Variants in BFSP2 observed in about 807,000 individuals in gnomAD.
BFSP2 encodes the protein beaded filament structural protein 2.
Under a neutral mutation model 44.9 loss-of-function variants are expected in BFSP2, and 38 were observed. The ratio of observed to expected loss-of-function variants is 0.85; its 90% CI spans 0.65 to 1.11. The LOEUF is 1.11. Ranked by LOEUF, BFSP2 falls within the 50% of genes least tolerant of loss-of-function variation. The pLI is 0.00. For missense variants in BFSP2, 525 were observed against 533.0 expected, an observed-to-expected ratio of 0.99 and a Z score of 0.15; for synonymous variants, 197 against 209.9, an observed-to-expected ratio of 0.94 and a Z score of 0.53.
At chr3:133,428,892 A>T (rs192517838) in intron 1 of BFSP2, among the ~76,000 whole-genome samples, 7 of 152,280 alleles carry the variant, frequency 4.6e-5, no homozygotes, top group African/African-American at 1.7e-4. Flanking sequence ...TGTATCAGCC[A>T]CTGTGCTAGT....
chr3:133,469,619 T>G (rs1328551250), intron 5 of BFSP2, among the ~76,000 whole-genome samples: 1 of 152,240 alleles, frequency 6.6e-6, no homozygotes, highest in Non-Finnish European at 1.5e-5. Flanking sequence ...GCTTCTGTGA[T>G]CTCAGCTTGT....
At chr3:133,470,020 T>G (rs2074147477) in intron 5 of BFSP2, among the ~76,000 whole-genome samples, 1 of 68,818 alleles carries the variant, frequency 1.5e-5, no homozygotes, top group South Asian at 1.1e-3. Context: ...GTTAAGTACT[T>G]TCATGCATAA....
At chr3:133,446,236 C>T (rs1380766013) in intron 1 of BFSP2, among the ~76,000 whole-genome samples, 2 of 152,026 alleles carry the variant, frequency 1.3e-5, no homozygotes, top group Non-Finnish European at 2.9e-5. Flanking sequence ...GCCTGGCCAA[C>T]ATGGTGAAAC....
At chr3:133,429,020 G>C (rs1008562109) in intron 1 of BFSP2, among the ~76,000 whole-genome samples, 4 of 95,356 alleles carry the variant, frequency 4.2e-5, no homozygotes, top group African/African-American at 1.2e-4. Context: ...AGTGTTATTT[G>C]TTAAAAAACC....
At chr3:133,437,727 TG>T (rs2073804126) in intron 1 of BFSP2, among the ~76,000 whole-genome samples, 1 of 151,868 alleles carries the variant, frequency 6.6e-6, no homozygotes, top group African/African-American at 2.4e-5. Flanking sequence ...GATTCAAACA[TG>T]GGGGTAATGG....
At chr3:133,435,820 CT>C (rs1200906520) in intron 1 of BFSP2, among the ~76,000 whole-genome samples, 22 of 152,284 alleles carry the variant, frequency 1.4e-4, no homozygotes, top group Admixed American at 1.4e-3. Context: ...CATTTGTAAA[CT>C]GCTGATTTCT....
At chr3:133,412,313 G>A (rs1230651304) in intron 1 of BFSP2, 2 of 152,218 alleles carry the variant, frequency 1.3e-5, no homozygotes, top group African/African-American at 4.8e-5. Flanking sequence ...CATCGGGTTG[G>A]TGCAGGAATG....
rs371091345 is a variant in BFSP2 at position 133,433,904 on chromosome 3, C to T, written c.490-13413C>T. The stretch of plus-strand genomic sequence containing the variant: ...CATTTAAGCTCCCGTATAGACGCTC[C>T]TTTTTATTAGGCCCCAGTCTCTTTC... On this transcript the variant is annotated intron_variant, in intron 1 of 6. Coordinates refer to ENST00000302334, the MANE Select transcript of BFSP2 (RefSeq NM_003571.4). Among the ~76,000 whole-genome samples the T allele has an allele frequency of 1.4e-4, 22 of 152,330 alleles. 1 individual carries two copies. In the South Asian group the frequency reaches 3.7e-3, roughly 26 times the overall value.
At chr3:133,424,259 G>A (rs2073624019) in intron 1 of BFSP2, among the ~76,000 whole-genome samples, 1 of 49,262 alleles carries the variant, frequency 2.0e-5, no homozygotes, top group Non-Finnish European at 4.9e-5. Flanking sequence ...TAGTAGAGAT[G>A]GAGTTTCGCC....
chr3:133,455,048 G>A (rs1227680270), intron 4 of BFSP2, among the ~76,000 whole-genome samples: 1 of 152,212 alleles, frequency 6.6e-6, no homozygotes, highest in Non-Finnish European at 1.5e-5. Flanking sequence ...GGAGCTTTCA[G>A]CTCCTGTAAC....
intron 1 of BFSP2, among the ~76,000 whole-genome samples, chr3:133,434,746 C>T (rs1175886809): frequency 6.6e-6 from 1 of 152,184 alleles, no homozygotes; most frequent in African/African-American, 2.4e-5. Context: ...CTGGCTCATC[C>T]TGGCTCAAAA....
At chr3:133,470,651 C>T (rs1441429810) in intron 5 of BFSP2, among the ~76,000 whole-genome samples, 1 of 152,010 alleles carries the variant, frequency 6.6e-6, no homozygotes, top group East Asian at 1.9e-4. Context: ...TAAGTGTAAC[C>T]ATAATACAAG....
chr3:133,400,144 C>G lies in BFSP2; in HGVS notation c.61C>G (p.Gln21Glu), dbSNP rs1397632201. The G allele has an allele frequency of 5.0e-6, 8 of 1,614,074 alleles. No individual in the cohort carries two copies. The African/African-American group carries it at 1.1e-4, about 22-fold the overall frequency. ...PTSASSSMPL[Q>E]RRRASFRGPR... ...CAGTGCCAGCTCCAGCATGCCCCTC[C>G]AGAGGCGCAGGGCGTCCTTCAGGGG... Residue 21 changes from glutamine (Q) to glutamate (E), a missense_variant, in exon 1 of 7, where the codon CAG becomes GAG. Gln to Glu is a conservative substitution (Grantham distance 29). Coordinates refer to ENST00000302334, the MANE Select transcript of BFSP2 (RefSeq NM_003571.4). This position sits in a 1 kb window ranked among gnomAD's most constrained non-coding sequence, Gnocchi z 4.0.
intron 1 of BFSP2, among the ~76,000 whole-genome samples, chr3:133,439,444 G>A (rs2073823138): frequency 6.6e-6 from 1 of 152,182 alleles, no homozygotes; most frequent in Admixed American, 6.5e-5. Flanking sequence ...CCTGATCCAA[G>A]GTCACACAAA....
At chr3:133,451,908 G>T (rs2073969346) in intron 4 of BFSP2, among the ~76,000 whole-genome samples, 1 of 152,160 alleles carries the variant, frequency 6.6e-6, no homozygotes. Flanking sequence ...TGAGACAGAG[G>T]ATGAAAAGTG....
chr3:133,449,909 A>AG (rs755510620), intron 3 of BFSP2, among the ~76,000 whole-genome samples: 18 of 150,198 alleles, frequency 1.2e-4, no homozygotes, highest in Non-Finnish European at 2.4e-4. Flanking sequence ...GAAGGAAGGA[A>AG]GGAGAGAGAG....
At chr3:133,416,722 T>C (rs1443873946) in intron 1 of BFSP2, among the ~76,000 whole-genome samples, 15 of 100,650 alleles carry the variant, frequency 1.5e-4, no homozygotes, top group African/African-American at 5.9e-4. Context: ...TCCTCTCCCC[T>C]CTACTCACCC....
rs2074114924 is a variant in BFSP2 at position 133,466,821 on chromosome 3, T to G, written c.892-7T>G. On this transcript the variant is annotated splice_region_variant and splice_polypyrimidine_tract_variant and intron_variant, in intron 4 of 6. Transcript: ENST00000302334. The stretch of plus-strand genomic sequence containing the variant: ...CACCGCTCACACTGAGACCTGACTC[T>G]CCACAGCAACAGGCGGAGGTGGCCC... 1 of 1,611,090 alleles carries G rather than the reference T, an allele frequency of 6.2e-7. No homozygotes were observed. Among genetic ancestry groups the G allele is most frequent in the Non-Finnish European group, 8.5e-7 (1 of 1,178,620 alleles).
chr3:133,470,692 A>G lies in BFSP2; in HGVS notation c.1024-1653A>G, dbSNP rs148827212. Among the ~76,000 whole-genome samples the G allele has an allele frequency of 1.8e-3, 278 of 152,344 alleles. 3 individuals are homozygous for G. Among genetic ancestry groups the G allele is most frequent in the East Asian group, 6.0e-3 (31 of 5,186 alleles). ...TCATCCAGGGCAATCTACACATACC[A>G]AGAACCTATTCTGTGCCAGGCCCTG... On this transcript the variant is annotated intron_variant, in intron 5 of 6. Coordinates refer to ENST00000302334, the MANE Select transcript of BFSP2 (RefSeq NM_003571.4).
Sources: gnomAD v4.1 joint callset for allele counts (sites outside exome capture counted in the v4.1 genomes callset) on GRCh38, gnomAD v4.1.1 for gene constraint, Gnocchi (gnomAD v3.1) non-coding constraint, MANE v1.5 for transcripts, NCBI Gene and HGNC (gene_info 2026-07-23, HGNC 2026-07-21) for gene names.